PFDN1: variants seen among roughly 807,000 people sequenced by gnomAD.
The protein encoded by PFDN1 is prefoldin subunit 1.
Under a neutral mutation model 17.3 loss-of-function variants are expected in PFDN1, and 6 were observed. The ratio of observed to expected loss-of-function variants is 0.35; its 90% CI spans 0.19 to 0.69. The LOEUF is 0.69. Ranked by LOEUF, PFDN1 falls within the 30% of genes least tolerant of loss-of-function variation. The pLI is 0.65. For missense variants in PFDN1, 113 were observed against 146.2 expected (o/e 0.77, Z 1.17); for synonymous variants, 58 against 50.1 (o/e 1.16, Z -0.67).
At chr5:140,275,325 T>C (rs1191226654) in intron 3 of PFDN1, among the ~76,000 whole-genome samples, 1 of 149,582 alleles carries the variant, frequency 6.7e-6, no homozygotes, top group Non-Finnish European at 1.5e-5. Context: ...AGGAGAATGG[T>C]GTGAACCTGG....
chr5:140,255,889 C>T (rs535613821), intron 3 of PFDN1, among the ~76,000 whole-genome samples: 2 of 152,218 alleles, frequency 1.3e-5, no homozygotes, highest in African/African-American at 4.8e-5. Context: ...CAGCTGCCTC[C>T]CCTGTCTTCC....
At chr5:140,302,938 C>G (rs2126705520) in intron 1 of PFDN1, 103 bp downstream of exon 1, 7 of 858,512 alleles carry the variant, frequency 8.2e-6, no homozygotes, top group African/African-American at 1.7e-5. Flanking sequence ...GTCCACTGGA[C>G]CCTCCTTCCT....
At chr5:140,292,887 G>A (rs142596609) in intron 2 of PFDN1, 1 of 152,162 alleles carries the variant, frequency 6.6e-6, no homozygotes, top group Non-Finnish European at 1.5e-5. Context: ...TCATATATAT[G>A]AACTGACTCA....
chr5:140,298,748 G>A (rs181786737), intron 2 of PFDN1, among the ~76,000 whole-genome samples: 2 of 151,752 alleles, frequency 1.3e-5, no homozygotes, highest in East Asian at 3.9e-4. Flanking sequence ...TAGAATGAGT[G>A]TATTTTTTAC....
chr5:140,246,424 AT>A (rs1161981289), intron 3 of PFDN1, among the ~76,000 whole-genome samples: 1 of 152,256 alleles, frequency 6.6e-6, no homozygotes. Context: ...GTAACAGACT[AT>A]CTCCTCTCAA....
chr5:140,275,275 G>A (rs1018410573), intron 3 of PFDN1, among the ~76,000 whole-genome samples: 2 of 152,022 alleles, frequency 1.3e-5, no homozygotes, highest in South Asian at 2.1e-4. Context: ...TGGGCATGGC[G>A]GGGTGTGCCT....
At chr5:140,271,242 A>C (rs1401821131) in intron 3 of PFDN1, among the ~76,000 whole-genome samples, 1 of 152,200 alleles carries the variant, frequency 6.6e-6, no homozygotes, top group Non-Finnish European at 1.5e-5. Flanking sequence ...GTTCATGATA[A>C]ACTCTGGGGT....
intron 3 of PFDN1, among the ~76,000 whole-genome samples, chr5:140,263,698 G>A (rs916511330): frequency 1.3e-5 from 2 of 152,056 alleles, no homozygotes; most frequent in African/African-American, 4.8e-5. Context: ...TCTGCTCAGT[G>A]TCTGGTGAGG....
At chr5:140,246,783 G>T (rs1020575604) in intron 3 of PFDN1, among the ~76,000 whole-genome samples, 1 of 152,156 alleles carries the variant, frequency 6.6e-6, no homozygotes, top group Non-Finnish European at 1.5e-5. Flanking sequence ...TACATTATTT[G>T]CCCTGTGCTC....
intron 3 of PFDN1, among the ~76,000 whole-genome samples, chr5:140,255,344 A>T (rs562032123): frequency 6.6e-6 from 1 of 152,342 alleles, no homozygotes; most frequent in South Asian, 2.1e-4. Flanking sequence ...TGGAAGGCTG[A>T]GGTGGGAGGA....
At chr5:140,295,745 A>C (rs183380453) in intron 2 of PFDN1, among the ~76,000 whole-genome samples, 220 of 152,286 alleles carry the variant, frequency 1.4e-3, no homozygotes, top group African/African-American at 5.1e-3. Flanking sequence ...GTTTTAAACC[A>C]AAAATAGCCA....
At chr5:140,255,219 C>T (rs545786580) in intron 3 of PFDN1, among the ~76,000 whole-genome samples, 1 of 151,696 alleles carries the variant, frequency 6.6e-6, no homozygotes, top group Non-Finnish European at 1.5e-5. Flanking sequence ...CTTCCCTCTA[C>T]CAAATCTACT....
chr5:140,259,711 T>C (rs192927275), intron 3 of PFDN1, among the ~76,000 whole-genome samples: 9 of 152,304 alleles, frequency 5.9e-5, no homozygotes, highest in Admixed American at 4.6e-4. Context: ...GGTGACACCT[T>C]GCATTCTTGG....
At chr5:140,296,699 T>G (rs984947182) in intron 2 of PFDN1, among the ~76,000 whole-genome samples, 2 of 152,216 alleles carry the variant, frequency 1.3e-5, no homozygotes, top group African/African-American at 4.8e-5. Context: ...GATAACAATT[T>G]CTAGTACATG....
In PFDN1 at chr5:140,258,515, G is replaced by C. The variant is rs143136704; in HGVS notation, c.286-12458C>G. Among the ~76,000 whole-genome samples, 597 of 152,138 alleles carry C rather than the reference G, an allele frequency of 3.9e-3. 2 individuals are homozygous for C. Among genetic ancestry groups the C allele is most frequent in the African/African-American group, 0.014 (573 of 41,498 alleles). On this transcript the variant is annotated intron_variant, in intron 3 of 3. Coordinates refer to ENST00000261813, the MANE Select transcript of PFDN1 (RefSeq NM_002622.5). ...CGCGTGAATGTTGGAAACCTATTAG[G>C]AGGCCACTGCAATCGTCTTGGAAAG...
intron 1 of PFDN1, among the ~76,000 whole-genome samples, chr5:140,301,653 T>C (rs191853129): frequency 1.3e-5 from 2 of 152,294 alleles, no homozygotes; most frequent in East Asian, 1.9e-4. Flanking sequence ...TTTTAATTAA[T>C]TGGTTATCAA....
intron 3 of PFDN1, among the ~76,000 whole-genome samples, chr5:140,263,237 T>A (rs1765087895): frequency 6.6e-6 from 1 of 152,210 alleles, no homozygotes; most frequent in African/African-American, 2.4e-5. Context: ...AGAAGGCTCT[T>A]GTAAGTTTAA....
chr5:140,285,995 A>T (rs56125987), intron 2 of PFDN1, among the ~76,000 whole-genome samples: 35,456 of 151,976 alleles, frequency 0.23, 4,650 homozygotes, highest in South Asian at 0.46. Flanking sequence ...AAATTTTTTT[A>T]AAAAAGAATG....
intron 2 of PFDN1, among the ~76,000 whole-genome samples, chr5:140,296,335 A>G (rs568413288): frequency 2.0e-5 from 3 of 152,284 alleles, no homozygotes; most frequent in African/African-American, 7.2e-5. Flanking sequence ...TTTGTGCCAG[A>G]CATTATACTG....
Sources: gnomAD v4.1 joint callset for allele counts (sites outside exome capture counted in the v4.1 genomes callset) on GRCh38, gnomAD v4.1.1 for gene constraint, MANE v1.5 for transcripts, NCBI Gene and HGNC (gene_info 2026-07-23, HGNC 2026-07-21) for gene names.